CFAP65: variants seen among roughly 807,000 people sequenced by gnomAD.
The protein encoded by CFAP65 is cilia- and flagella-associated protein 65.
A neutral mutation model predicts 208.0 loss-of-function variants in CFAP65; 155 were observed. The ratio of observed to expected loss-of-function variants is 0.75; its 90% CI spans 0.65 to 0.85. CFAP65 has a LOEUF of 0.85. Ranked by LOEUF, CFAP65 falls within the 40% of genes least tolerant of loss-of-function variation. CFAP65 has a pLI of 0.00. For missense variants in CFAP65, 2,294 were observed against 2,451.3 expected (o/e 0.94, Z 1.36); for synonymous variants, 970 against 986.3 (o/e 0.98, Z 0.31).
Position 219,031,448 on chromosome 2 carries a change from C to G in CFAP65, c.815+41G>C. 3 of 1,613,816 alleles carry G rather than the reference C, an allele frequency of 1.9e-6. No homozygotes were observed. Among genetic ancestry groups the G allele is most frequent in the Middle Eastern group, 3.3e-4 (2 of 6,062 alleles). On this transcript the variant is annotated intron_variant, in intron 7 of 34. Coordinates refer to ENST00000341552, the MANE Select transcript of CFAP65 (RefSeq NM_194302.4). The surrounding 1 kb of genome is among the most constrained non-coding windows in gnomAD (Gnocchi z 5.2). Reference sequence around the variant, plus strand: ...CTCCTGCTTCCAGACACCCTCCTCACAGCTCTTGCTCTCCCCGCCGCACCT... The same window carrying G: ...CTCCTGCTTCCAGACACCCTCCTCAGAGCTCTTGCTCTCCCCGCCGCACCT...
Position 219,010,710 on chromosome 2 carries a change from G to A in CFAP65, c.4150-6C>T. The A allele has an allele frequency of 1.2e-6, 2 of 1,602,410 alleles. No individual in the cohort carries two copies. The highest frequency in any genetic ancestry group is 1.7e-6 in the Non-Finnish European group (2 of 1,174,116). On this transcript the variant is annotated splice_region_variant and splice_polypyrimidine_tract_variant and intron_variant, in intron 25 of 34. Coordinates refer to ENST00000341552, the MANE Select transcript of CFAP65 (RefSeq NM_194302.4). ...ATGTGTATGGGCACGTCCACCTGGG[G>A]AGTTAGGAGGGTGGGGGTAGGGACT...
chr2:219,016,212 C>T (rs1019337063), intron 21 of CFAP65, among the ~76,000 whole-genome samples: 18 of 151,518 alleles, frequency 1.2e-4, no homozygotes, highest in African/African-American at 4.4e-4. Flanking sequence ...AATTGGAGAC[C>T]TTGCTAGTTT....
chr2:219,030,969 CT>C, intron 8 of CFAP65, 135 bp from the exon 9 acceptor site: 3 of 1,434,990 alleles, frequency 2.1e-6, no homozygotes, highest in Non-Finnish European at 2.8e-6. Flanking sequence ...AAGGCAAAGC[CT>C]TCTGGGCTTG....
intron 4 of CFAP65, 96 bp from the exon 5 acceptor site, chr2:219,035,760 C>T: frequency 1.3e-6 from 2 of 1,497,608 alleles, no homozygotes; most frequent in Non-Finnish European, 1.8e-6. Context: ...TCGTCCTCCA[C>T]CACCAAGAAA....
chr2:219,019,678 G>A lies in CFAP65; in HGVS notation c.3301C>T (p.Leu1101=). ...GEKQELCCVS[L]VAVYPLLSIL... is the part of the protein sequence containing the mutation. ...GAAAGCAAGGGGTACACGGCCACCA[G>A]GGAGACGCAGCACAGCTCCTGCTTC... The change falls in exon 20 of 35, where the codon CTG becomes TTG. Residue 1101 remains leucine, a synonymous_variant. Coordinates refer to ENST00000341552, the MANE Select transcript of CFAP65 (RefSeq NM_194302.4). 6 of 1,613,576 alleles carry A rather than the reference G, an allele frequency of 3.7e-6. No homozygotes were observed. Among genetic ancestry groups the A allele is most frequent in the Non-Finnish European group, 5.1e-6 (6 of 1,180,022 alleles).
intron 9 of CFAP65, 132 bp downstream of exon 9, chr2:219,030,557 G>T: frequency 2.4e-6 from 3 of 1,243,830 alleles, no homozygotes; most frequent in Non-Finnish European, 3.4e-6. Flanking sequence ...CCTGTTGACA[G>T]CTGACATGGG....
At chr2:219,007,858 G>A (rs927668320) in intron 29 of CFAP65, among the ~76,000 whole-genome samples, 2 of 149,630 alleles carry the variant, frequency 1.3e-5, no homozygotes, top group Admixed American at 6.7e-5. Flanking sequence ...TCGCTCTGTC[G>A]CCCAGGCTGG....
At chr2:219,022,041 C>T in intron 17 of CFAP65, 111 bp from the exon 18 acceptor site, 12 of 1,539,370 alleles carry the variant, frequency 7.8e-6, no homozygotes, top group Non-Finnish European at 1.1e-5. Context: ...TTTGGGGTAT[C>T]CGGGGCAGAG....
At position 219,019,712 on chromosome 2, in the gene CFAP65, C is replaced by G; in HGVS notation, c.3267G>C (p.Lys1089Asn). Residue 1089 changes from lysine (K) to asparagine (N), a missense_variant, in exon 20 of 35, where the codon AAG (lysine) becomes AAC (asparagine). Coordinates refer to ENST00000341552, the MANE Select transcript of CFAP65 (RefSeq NM_194302.4). Reference protein sequence around the residue: ...TYSLLSHRDNKAGEKQELCCV... With the variant: ...TYSLLSHRDNNAGEKQELCCV... ...AGCACAGCTCCTGCTTCTCCCCAGC[C>G]TTGTTATCTGGGGAGGGGGGTGAGG... 3 of 1,612,968 alleles carry G rather than the reference C, an allele frequency of 1.9e-6. No homozygotes were observed. Among genetic ancestry groups the G allele is most frequent in the Non-Finnish European group, 2.5e-6 (3 of 1,179,846 alleles).
At position 219,030,167 on chromosome 2, in the gene CFAP65, C is replaced by T. The variant is rs1947921987; in HGVS notation, c.1203G>A (p.Leu401=). ...PFRIEISPDE[L]AEDQAFSCPT... ...GGCATGAGAAGGCCTGGTCTTCGGCCAGTTCATCCGGGGAAATTTCAATCC... is the reference window on the plus strand; with the variant it reads ...GGCATGAGAAGGCCTGGTCTTCGGCTAGTTCATCCGGGGAAATTTCAATCC... Residue 401 remains leucine, a synonymous_variant, in exon 10 of 35, where the codon CTG becomes CTA. Coordinates refer to ENST00000341552, the MANE Select transcript of CFAP65 (RefSeq NM_194302.4). 1 of 1,613,974 alleles carries T rather than the reference C, an allele frequency of 6.2e-7. No homozygotes were observed.
intron 18 of CFAP65, among the ~76,000 whole-genome samples, 180 bp from the exon 19 acceptor site, chr2:219,021,460 T>C (rs1156476945): frequency 3.9e-5 from 6 of 152,142 alleles, no homozygotes; most frequent in South Asian, 2.1e-4. Flanking sequence ...CTTTGTGTCA[T>C]TGGCACCTGC....
At position 219,009,374 on chromosome 2, in the gene CFAP65, G is replaced by T. The variant is rs1234347179; in HGVS notation, c.4539C>A (p.Ser1513Arg). Residue 1513 changes from serine to arginine, a missense_variant, in exon 28 of 35, where the codon AGC becomes AGA. Transcript: ENST00000341552. The part of the protein sequence containing the change: ...VVTLRASVHA[S>R]FYSADLVCKL... ...TGCATACCAGGTCTGCACTGTAGAA[G>T]CTGGCATGCACAGAGGCCCTCAAGG... 1 of 1,612,496 alleles carries T rather than the reference G, an allele frequency of 6.2e-7. No homozygotes were observed. The highest frequency in any genetic ancestry group is 1.7e-5 in the Admixed American group (1 of 60,022).
chr2:219,028,484 G>T, intron 11 of CFAP65, 83 bp from the exon 12 acceptor site: 2 of 1,237,950 alleles, frequency 1.6e-6, no homozygotes, highest in Non-Finnish European at 2.4e-6. Flanking sequence ...GAGGACAGAA[G>T]CTGGGCAGAC....
At chr2:219,016,479 G>C (rs1332498500) in intron 21 of CFAP65, among the ~76,000 whole-genome samples, 1 of 151,888 alleles carries the variant, frequency 6.6e-6, no homozygotes, top group Non-Finnish European at 1.5e-5. Flanking sequence ...ATTTTTAGTA[G>C]AGACAGAGTT....
rs772953050 is a variant in CFAP65, at chr2:219,021,852, C to T, written c.3058G>A (p.Gly1020Ser). The change falls in exon 18 of 35, where the codon GGC (glycine) becomes AGC (serine). Residue 1020 changes from glycine (G) to serine (S), a missense_variant. By Grantham distance (56) the Gly-to-Ser change is moderately conservative (BLOSUM62 0). Coordinates refer to ENST00000341552, the MANE Select transcript of CFAP65 (RefSeq NM_194302.4). ...QSRFLVLLND[G>S]NCTLYYRLYL... ...AGGCGGTAATAGAGGGTGCAGTTGC[C>T]GTCATTCAGGAGGACAAGGAACCTG... The T allele has an allele frequency of 2.9e-5, 46 of 1,613,686 alleles. No individual in the cohort carries two copies. In the South Asian group the frequency reaches 3.1e-4, roughly 11 times the overall value.
At chr2:219,016,188 T>C (rs1050288216) in intron 21 of CFAP65, among the ~76,000 whole-genome samples, 1 of 152,152 alleles carries the variant, frequency 6.6e-6, no homozygotes, top group African/African-American at 2.4e-5. Context: ...ATTGTGGATA[T>C]TCAGCAGTGG....
In CFAP65 at chr2:219,004,116, C is replaced by T; in HGVS notation, c.5391G>A (p.Glu1797=). ...CCTTCTCATCCCTCTCCTCCTCCTTCTCCTCTATCTCCTCCTTGCCCAACT... is the reference window on the plus strand; with the variant it reads ...CCTTCTCATCCCTCTCCTCCTCCTTTTCCTCTATCTCCTCCTTGCCCAACT... ...EEELGKEEIE[E]KEEERDEKEE... Residue 1797 remains glutamate, a synonymous_variant, in exon 33 of 35, where the codon GAG becomes GAA. Coordinates refer to ENST00000341552, the MANE Select transcript of CFAP65 (RefSeq NM_194302.4). The surrounding 1 kb of genome is among the most constrained non-coding windows in gnomAD (Gnocchi z 4.7). 1.2e-6 allele frequency: 2 copies of T among 1,614,000 alleles called. No individual in the cohort carries two copies. Among genetic ancestry groups the T allele is most frequent in the South Asian group, 2.2e-5 (2 of 91,088 alleles).
intron 25 of CFAP65, 23 bp from the exon 26 acceptor site, chr2:219,010,727 G>T: frequency 6.3e-7 from 1 of 1,595,914 alleles, no homozygotes; most frequent in South Asian, 1.1e-5. Flanking sequence ...GAGGGTGGGG[G>T]TAGGGACTGG....
In CFAP65 at chr2:219,004,575, C is replaced by T. The variant is rs992547345; in HGVS notation, c.5052-120G>A. On this transcript the variant is annotated intron_variant, in intron 32 of 34. Coordinates refer to ENST00000341552, the MANE Select transcript of CFAP65 (RefSeq NM_194302.4). The surrounding 1 kb of genome is among the most constrained non-coding windows in gnomAD (Gnocchi z 4.7). ...GCTGCTAGGTGGGGAGAGGGGAGCCCTTGGTCAGTTGTTCCTCCTGTCCCT... is the reference window on the plus strand; with the variant it reads ...GCTGCTAGGTGGGGAGAGGGGAGCCTTTGGTCAGTTGTTCCTCCTGTCCCT... The T allele has an allele frequency of 9.1e-6, 10 of 1,093,768 alleles. No homozygotes were observed. The highest frequency in any genetic ancestry group is 1.6e-5 in the African/African-American group (1 of 63,214). 67.8% of individuals were successfully genotyped at this position (1,093,768 alleles called of 1,614,324 possible). A position where few individuals can be genotyped will look rare whatever the true frequency, so the allele number is the denominator to read the frequency against.
Sources: gnomAD v4.1 joint callset for allele counts (sites outside exome capture counted in the v4.1 genomes callset) on GRCh38, gnomAD v4.1.1 for gene constraint, Gnocchi (gnomAD v3.1) non-coding constraint, MANE v1.5 for transcripts, NCBI Gene and HGNC (gene_info 2026-07-23, HGNC 2026-07-21) for gene names.